CALCRL: variants seen among roughly 807,000 people sequenced by gnomAD.
CALCRL encodes the protein calcitonin gene-related peptide type 1 receptor.
In CALCRL, 27 loss-of-function variants were observed where a neutral mutation model predicts 60.4. That is an observed-to-expected ratio of 0.45 (90% CI 0.33 to 0.62). The LOEUF (loss-of-function observed/expected upper bound fraction) is 0.62. Among genes scored for constraint, CALCRL ranks in the 20% least tolerant of loss-of-function variants. CALCRL has a pLI of 0.03. For synonymous variants in CALCRL, 190 were observed against 182.6 expected (o/e 1.04, Z -0.33); for missense variants, 424 against 540.7 (o/e 0.78, Z 2.14).
At chr2:187,373,453 T>C (rs1332606158) in intron 8 of CALCRL, among the ~76,000 whole-genome samples, 2 of 152,214 alleles carry the variant, frequency 1.3e-5, no homozygotes, top group East Asian at 1.9e-4. Flanking sequence ...ATTTTGTTTA[T>C]AAAAATGTTC....
At chr2:187,441,043 T>C (rs1384626685) in intron 1 of CALCRL, among the ~76,000 whole-genome samples, 7 of 152,048 alleles carry the variant, frequency 4.6e-5, no homozygotes, top group African/African-American at 1.7e-4. Flanking sequence ...CTTAGGAATA[T>C]CACTTTCTTT....
intron 11 of CALCRL, 37 bp downstream of exon 11, chr2:187,359,175 T>A: frequency 6.2e-7 from 1 of 1,600,482 alleles, no homozygotes; most frequent in Non-Finnish European, 8.6e-7. Flanking sequence ...TTATTTTACA[T>A]TATTCCAGTA....
intron 1 of CALCRL, among the ~76,000 whole-genome samples, chr2:187,403,562 C>T (rs529221543): frequency 1.3e-5 from 2 of 151,768 alleles, no homozygotes; most frequent in Non-Finnish European, 2.9e-5. Context: ...TCAAAACATT[C>T]GTGTTTAAGG....
chr2:187,384,047 A>G (rs1391116786), intron 4 of CALCRL, among the ~76,000 whole-genome samples: 2 of 152,084 alleles, frequency 1.3e-5, no homozygotes, highest in East Asian at 1.9e-4. Context: ...TCTATTAACT[A>G]TATCCCATAA....
intron 1 of CALCRL, among the ~76,000 whole-genome samples, chr2:187,388,966 T>C (rs1041541741): frequency 6.6e-6 from 1 of 151,992 alleles, no homozygotes; most frequent in Non-Finnish European, 1.5e-5. Flanking sequence ...ACTAAATAAA[T>C]GATTGATTAA....
chr2:187,436,976 T>C (rs1426823068), intron 1 of CALCRL, among the ~76,000 whole-genome samples: 2 of 152,190 alleles, frequency 1.3e-5, no homozygotes, highest in Non-Finnish European at 2.9e-5. Context: ...TTAATTTTGT[T>C]CTTAAAGTCA....
intron 12 of CALCRL, among the ~76,000 whole-genome samples, chr2:187,357,809 A>G (rs776986450): frequency 8.7e-6 from 1 of 115,038 alleles, no homozygotes; most frequent in Non-Finnish European, 1.8e-5. Context: ...AATAAAAACA[A>G]CAACAACAAT....
intron 8 of CALCRL, among the ~76,000 whole-genome samples, chr2:187,374,942 A>G (rs1406333461): frequency 6.6e-6 from 1 of 152,154 alleles, no homozygotes; most frequent in Non-Finnish European, 1.5e-5. Flanking sequence ...AGTTTGGAAT[A>G]CATCCCATGT....
In CALCRL at chr2:187,343,889, C is replaced by A. The variant is rs1686179024; in HGVS notation, c.*2295G>T. On this transcript the variant is annotated 3_prime_UTR_variant, in exon 15 of 15. Transcript: ENST00000392370. Reference sequence around the variant, plus strand: ...CATGAATGACTGCTACGCCTCAAGACTCTACAACAGACAAACCCTGGCTAT... The same window carrying A: ...CATGAATGACTGCTACGCCTCAAGAATCTACAACAGACAAACCCTGGCTAT... 6.6e-6 allele frequency: 1 copy of A among 151,578 alleles called. No individual in the cohort carries two copies. The highest frequency in any genetic ancestry group is 2.1e-4 in the South Asian group (1 of 4,832). The allele number at this position is 151,578 out of a possible 1,614,324, so 9.4% of individuals were successfully genotyped here.
At chr2:187,391,201 C>T (rs1189666991) in intron 1 of CALCRL, among the ~76,000 whole-genome samples, 2 of 152,100 alleles carry the variant, frequency 1.3e-5, no homozygotes, top group Non-Finnish European at 2.9e-5. Context: ...TGCATACTGC[C>T]TCTAATTGGC....
At chr2:187,445,676 C>T (rs1280593890) in intron 1 of CALCRL, among the ~76,000 whole-genome samples, 1 of 151,294 alleles carries the variant, frequency 6.6e-6, no homozygotes, top group Non-Finnish European at 1.5e-5. Flanking sequence ...ATCTGTAAAG[C>T]AAACAAGGTA....
intron 1 of CALCRL, among the ~76,000 whole-genome samples, chr2:187,388,272 G>T (rs2105795920): frequency 6.6e-6 from 1 of 151,742 alleles, no homozygotes; most frequent in East Asian, 1.9e-4. Context: ...TTAATAGCAA[G>T]GTGAAAGAAA....
intron 8 of CALCRL, among the ~76,000 whole-genome samples, chr2:187,366,004 G>A (rs1361967970): frequency 1.3e-5 from 2 of 152,008 alleles, no homozygotes; most frequent in African/African-American, 4.8e-5. Flanking sequence ...AGCACTTTGG[G>A]AGGCCGAGGC....
At chr2:187,354,171 A>G (rs987802512) in intron 12 of CALCRL, among the ~76,000 whole-genome samples, 1 of 152,036 alleles carries the variant, frequency 6.6e-6, no homozygotes, top group Non-Finnish European at 1.5e-5. Context: ...GTTCAGTAGA[A>G]AAGAAGAAAC....
At chr2:187,444,225 A>G (rs1691060257) in intron 1 of CALCRL, among the ~76,000 whole-genome samples, 1 of 151,696 alleles carries the variant, frequency 6.6e-6, no homozygotes, top group Non-Finnish European at 1.5e-5. Context: ...TTTATGTCAT[A>G]TTAACACTTT....
chr2:187,362,160 T>C (rs1687082529), intron 9 of CALCRL, among the ~76,000 whole-genome samples: 1 of 152,066 alleles, frequency 6.6e-6, no homozygotes, highest in African/African-American at 2.4e-5. Context: ...AGGGCATTAG[T>C]AACAGAGACA....
intron 1 of CALCRL, among the ~76,000 whole-genome samples, chr2:187,398,360 A>G (rs1688745283): frequency 6.6e-6 from 1 of 151,616 alleles, no homozygotes; most frequent in Admixed American, 6.6e-5. Context: ...TTCTGATATA[A>G]TTTTAAGTTG....
chr2:187,432,207 A>G (rs1315108191), intron 1 of CALCRL, among the ~76,000 whole-genome samples: 1 of 152,148 alleles, frequency 6.6e-6, no homozygotes, highest in Non-Finnish European at 1.5e-5. Flanking sequence ...TCAAACAAAT[A>G]TGGAAGTTAC....
At chr2:187,364,610 T>C (rs1369309808) in intron 8 of CALCRL, among the ~76,000 whole-genome samples, 1 of 152,174 alleles carries the variant, frequency 6.6e-6, no homozygotes, top group East Asian at 1.9e-4. Flanking sequence ...TTAAATAGAC[T>C]GTGTGCCCAG....
Sources: allele counts gnomAD v4.1 joint callset (sites outside exome capture counted in the v4.1 genomes callset), GRCh38; gene constraint gnomAD v4.1.1; transcripts MANE v1.5; gene names NCBI Gene and HGNC (gene_info 2026-07-23, HGNC 2026-07-21).